The following SMARCAD1 variants were observed in gnomAD, a reference collection of about 807,000 sequenced individuals.
SMARCAD1 encodes the protein SWI/SNF-related matrix-associated actin-dependent regulator of chromatin subfamily A containing DEAD/H box 1.
In SMARCAD1, 25 loss-of-function variants were observed where a neutral mutation model predicts 127.1. The observed-to-expected ratio is 0.20, with a 90% CI of 0.14 to 0.27. SMARCAD1 has a LOEUF of 0.27. Ranked by LOEUF, SMARCAD1 falls within the 10% of genes least tolerant of loss-of-function variation. The pLI is 1.00. For synonymous variants in SMARCAD1, 400 were observed against 396.9 expected, an observed-to-expected ratio of 1.01 and a Z score of -0.09; for missense variants, 807 against 1,206.0, an observed-to-expected ratio of 0.67 and a Z score of 4.90.
chr4:94,272,973 A>G (rs1752759846), intron 11 of SMARCAD1, among the ~76,000 whole-genome samples: 1 of 151,626 alleles, frequency 6.6e-6, no homozygotes, highest in African/African-American at 2.4e-5. Flanking sequence ...ATGCCTGGCT[A>G]ATTTTGTATT....
intron 23 of SMARCAD1, among the ~76,000 whole-genome samples, chr4:94,286,587 C>T (rs987273782): frequency 2.6e-5 from 4 of 152,154 alleles, no homozygotes; most frequent in Admixed American, 2.6e-4. Flanking sequence ...AACTCTCTGT[C>T]TGCTGTTGTC....
At position 94,289,964 on chromosome 4, in the gene SMARCAD1, C is replaced by T. The variant is rs180739184; in HGVS notation, c.*430C>T. On this transcript the variant is annotated 3_prime_UTR_variant, in exon 24 of 24. Transcript: ENST00000354268. ...GCTTATGTCTTGTTTTTGCTTGTCTCATTTGAAGTTCTTTTTTATTATGTT... is the reference window on the plus strand; with the variant it reads ...GCTTATGTCTTGTTTTTGCTTGTCTTATTTGAAGTTCTTTTTTATTATGTT... 8.8e-5 allele frequency: 40 copies of T among 454,214 alleles called. No homozygotes were observed. In the East Asian group the frequency reaches 2.7e-3, roughly 31 times the overall value. 28.1% of individuals were successfully genotyped at this position (454,214 alleles called of 1,614,324 possible). A position where few individuals can be genotyped will look rare whatever the true frequency, so the allele number is the denominator to read the frequency against.
intron 23 of SMARCAD1, among the ~76,000 whole-genome samples, chr4:94,285,626 G>A (rs1383414712): frequency 6.6e-6 from 1 of 151,982 alleles, no homozygotes; most frequent in Non-Finnish European, 1.5e-5. Context: ...TGTTATATTA[G>A]GCACTCTGTT....
At chr4:94,233,859 A>G (rs1362160417) in intron 3 of SMARCAD1, 95 bp from the exon 4 acceptor site, 1 of 1,250,166 alleles carries the variant, frequency 8.0e-7, no homozygotes, top group African/African-American at 1.5e-5. Flanking sequence ...AAAGAACTGC[A>G]GATGTGTTGT....
chr4:94,268,407 A>G (rs1469474067), intron 10 of SMARCAD1, among the ~76,000 whole-genome samples: 1 of 152,068 alleles, frequency 6.6e-6, no homozygotes, highest in African/African-American at 2.4e-5. Context: ...GATAGGTTGT[A>G]TGTTGGGATG....
intron 10 of SMARCAD1, 76 bp downstream of exon 10, chr4:94,264,982 C>A: frequency 1.4e-6 from 2 of 1,423,904 alleles, no homozygotes; most frequent in Non-Finnish European, 9.7e-7. Flanking sequence ...CTGTATCGTG[C>A]CTAGAAAGTG....
rs143203329 is a variant in SMARCAD1, at chr4:94,217,128, A to G, written c.190+8544A>G. 6.5e-3 allele frequency among the ~76,000 whole-genome samples: 994 copies of G among 152,284 alleles called. 5 individuals are homozygous for G. Among genetic ancestry groups the G allele is most frequent in the Middle Eastern group, 0.054 (16 of 294 alleles). On this transcript the variant is annotated intron_variant, in intron 2 of 23. Coordinates refer to ENST00000354268, the MANE Select transcript of SMARCAD1 (RefSeq NM_020159.5). ...TTTTTGATAATAGCCAACATAATGG[A>G]CATGAGTTTGTATCTCACTTTGGGT... is the stretch of plus-strand genomic sequence containing the variant.
chr4:94,207,744 T>G (rs1741411957), upstream of SMARCAD1: 2 of 209,330 alleles, frequency 9.6e-6, no homozygotes, highest in Admixed American at 1.1e-4. Context: ...TCGTAAGTAC[T>G]GAGGGAAGAA....
At chr4:94,272,233 C>T (rs147026624) in intron 11 of SMARCAD1, among the ~76,000 whole-genome samples, 2 of 152,302 alleles carry the variant, frequency 1.3e-5, no homozygotes, top group African/African-American at 4.8e-5. Context: ...CCTGAAAAGC[C>T]TTGTCTCTAA....
At chr4:94,258,257 C>T (rs764800740) in intron 9 of SMARCAD1, among the ~76,000 whole-genome samples, 3 of 151,740 alleles carry the variant, frequency 2.0e-5, no homozygotes, top group African/African-American at 4.8e-5. Flanking sequence ...CACGTATAAG[C>T]GATTCTCCTG....
intron 2 of SMARCAD1, among the ~76,000 whole-genome samples, chr4:94,221,261 G>A (rs547705481): frequency 6.6e-6 from 1 of 152,282 alleles, no homozygotes; most frequent in East Asian, 1.9e-4. Context: ...TCGACCTTTG[G>A]AAGATGTGTA....
intron 2 of SMARCAD1, 24 bp from the exon 3 acceptor site, chr4:94,226,095 T>G: frequency 6.3e-7 from 1 of 1,585,954 alleles, no homozygotes; most frequent in Non-Finnish European, 8.6e-7. Context: ...TCAAAATATT[T>G]TTCTCCTTTT....
rs766827377 is a variant in SMARCAD1, at chr4:94,208,058, T to G, written c.-62T>G. The stretch of plus-strand genomic sequence containing the variant: ...AGGGGGTTATACTGGGGAACGTGCC[T>G]GCGCGTGCTTGGGTAAGAGGAGGTT... On this transcript the variant is annotated 5_prime_UTR_variant, in exon 1 of 24. Coordinates refer to ENST00000354268, the MANE Select transcript of SMARCAD1 (RefSeq NM_020159.5). The G allele has an allele frequency of 6.2e-6, 3 of 483,872 alleles. No homozygotes were observed. Among genetic ancestry groups the G allele is most frequent in the South Asian group, 4.7e-5 (3 of 64,240 alleles). The allele number at this position is 483,872 out of a possible 1,614,324, so 30.0% of individuals were successfully genotyped here.
rs866369833 is a variant in SMARCAD1 at position 94,237,645 on chromosome 4, A to G, written c.604+627A>G. 4.3e-4 allele frequency among the ~76,000 whole-genome samples: 65 copies of G among 152,282 alleles called. 1 individual carries two copies. The highest frequency in any genetic ancestry group is 3.4e-3 in the Middle Eastern group (1 of 294). Reference sequence around the variant, plus strand: ...TTTTTTCCTGCTTATATACACTGGCATACAACACACATACATTAGGTTACA... The same window carrying G: ...TTTTTTCCTGCTTATATACACTGGCGTACAACACACATACATTAGGTTACA... On this transcript the variant is annotated intron_variant, in intron 5 of 23. Transcript: ENST00000354268.
At position 94,208,439 on chromosome 4, in the gene SMARCAD1, T is replaced by A. The variant is rs1417508792; in HGVS notation, c.45T>A (p.Asn15Lys). The A allele has an allele frequency of 6.2e-7, 1 of 1,614,112 alleles. No individual in the cohort carries two copies. Among genetic ancestry groups the A allele is most frequent in the Non-Finnish European group, 8.5e-7 (1 of 1,180,026 alleles). Residue 15 changes from asparagine (N) to lysine (K), a missense_variant, in exon 2 of 24, where the codon AAT becomes AAA. Transcript: ENST00000354268. Reference protein sequence around the residue: ...NLDRFRFEKRNKIEEAPEATP... With the variant: ...NLDRFRFEKRKKIEEAPEATP... ...ACCGTTTTCGCTTTGAGAAAAGGAA[T>A]AAGATTGAGGAAGCGCCCGAAGCAA...
chr4:94,284,354 G>A (rs76692918), intron 22 of SMARCAD1, among the ~76,000 whole-genome samples: 4,066 of 100,468 alleles, frequency 0.04, 204 homozygotes, highest in East Asian at 0.074. Context: ...AAAAAAAAAA[G>A]AAAAAAGTAA....
chr4:94,220,581 T>C (rs1226647992), intron 2 of SMARCAD1, among the ~76,000 whole-genome samples: 3 of 152,188 alleles, frequency 2.0e-5, no homozygotes, highest in African/African-American at 2.4e-5. Flanking sequence ...CTGTGAACTT[T>C]TTGAATGTTC....
At chr4:94,240,825 A>G in intron 5 of SMARCAD1, 81 bp from the exon 6 acceptor site, 3 of 945,756 alleles carry the variant, frequency 3.2e-6, no homozygotes, top group Non-Finnish European at 5.1e-6. Flanking sequence ...TCATTATAAT[A>G]CATTTTTGCC....
intron 6 of SMARCAD1, chr4:94,248,638 T>G: frequency 2.4e-6 from 1 of 417,834 alleles, no homozygotes. Context: ...TAGCTCTGGT[T>G]TAATTCTTCA....
Sources: gnomAD v4.1 joint callset for allele counts (sites outside exome capture counted in the v4.1 genomes callset) on GRCh38, gnomAD v4.1.1 for gene constraint, MANE v1.5 for transcripts, NCBI Gene and HGNC (gene_info 2026-07-23, HGNC 2026-07-21) for gene names.